The following FHIT variants were observed in gnomAD, a reference collection of about 807,000 sequenced individuals.
The protein encoded by FHIT is bis(5'-adenosyl)-triphosphatase.
A neutral mutation model predicts 17.9 loss-of-function variants in FHIT; 19 were observed. The ratio of observed to expected loss-of-function variants is 1.06; its 90% CI spans 0.74 to 1.56. The LOEUF (loss-of-function observed/expected upper bound fraction) is 1.56. Ranked by LOEUF, FHIT falls within the 40% of genes most tolerant of loss-of-function variation. The pLI is 0.00. For synonymous variants in FHIT, 81 were observed against 69.7 expected, an observed-to-expected ratio of 1.16 and a Z score of -0.81; for missense variants, 248 against 189.2, an observed-to-expected ratio of 1.31 and a Z score of -1.82.
In FHIT at chr3:60,454,079, C is replaced by T. The variant is rs547132788; in HGVS notation, c.103+82781G>A. On this transcript the variant is annotated intron_variant, in intron 5 of 9. Transcript: ENST00000492590. ...TAATCAAACCAGAACCCTAGCCATG[C>T]TGATGATGATCATTAATGTCATCAT... Among the ~76,000 whole-genome samples the T allele has an allele frequency of 2.5e-3, 379 of 152,282 alleles. 2 individuals carry two copies. The highest frequency in any genetic ancestry group is 8.2e-3 in the African/African-American group (339 of 41,556).
intron 5 of FHIT, among the ~76,000 whole-genome samples, chr3:60,471,644 T>C (rs1466615093): frequency 6.6e-6 from 1 of 152,212 alleles, no homozygotes; most frequent in Non-Finnish European, 1.5e-5. Context: ...TCAGTGCCTC[T>C]TTCCTTAATA....
At chr3:60,373,389 A>G (rs1700418182) in intron 5 of FHIT, among the ~76,000 whole-genome samples, 1 of 152,212 alleles carries the variant, frequency 6.6e-6, no homozygotes, top group Non-Finnish European at 1.5e-5. Flanking sequence ...GAAGGTTGCC[A>G]CATTTGAGAT....
intron 5 of FHIT, among the ~76,000 whole-genome samples, chr3:60,159,833 G>C (rs539024638): frequency 5.9e-4 from 90 of 152,146 alleles, no homozygotes; most frequent in Middle Eastern, 6.8e-3. Context: ...TAACTCCAGG[G>C]AACATGCTCA....
intron 8 of FHIT, among the ~76,000 whole-genome samples, chr3:59,822,303 G>T (rs927796861): frequency 2.6e-5 from 4 of 152,256 alleles, no homozygotes; most frequent in African/African-American, 9.6e-5. Flanking sequence ...TTTCCTCTGG[G>T]TAGATACCCA....
intron 5 of FHIT, among the ~76,000 whole-genome samples, chr3:60,298,922 G>T (rs559648047): frequency 4.6e-5 from 7 of 152,108 alleles, no homozygotes; most frequent in Non-Finnish European, 7.4e-5. Context: ...GCCAGGGACA[G>T]GACCCCCTCA....
intron 8 of FHIT, among the ~76,000 whole-genome samples, chr3:59,765,873 A>G (rs1701770325): frequency 6.6e-6 from 1 of 152,224 alleles, no homozygotes; most frequent in Non-Finnish European, 1.5e-5. Flanking sequence ...ATGTTCACAT[A>G]ATTAAATACC....
intron 5 of FHIT, among the ~76,000 whole-genome samples, chr3:60,203,814 GA>G (rs927528325): frequency 2.0e-5 from 3 of 152,030 alleles, no homozygotes; most frequent in Non-Finnish European, 1.5e-5. Flanking sequence ...AAAACTAAAA[GA>G]AAAAAATGGG....
At chr3:60,836,413 T>G (rs7626938) in intron 3 of FHIT, among the ~76,000 whole-genome samples, 15,633 of 152,212 alleles carry the variant, frequency 0.1, 1,208 homozygotes, top group African/African-American at 0.21. Flanking sequence ...AAATATTTAT[T>G]TTCAGGGAGT....
At chr3:60,336,511 A>C (rs1710247942) in intron 5 of FHIT, among the ~76,000 whole-genome samples, 1 of 152,216 alleles carries the variant, frequency 6.6e-6, no homozygotes. Context: ...ATAAATTTCA[A>C]GATCTCATTT....
chr3:60,990,424 T>A (rs898427532), intron 3 of FHIT, among the ~76,000 whole-genome samples: 1 of 152,170 alleles, frequency 6.6e-6, no homozygotes, highest in African/African-American at 2.4e-5. Context: ...GCTTGTCATG[T>A]TAGAATGGGG....
chr3:60,736,105 C>T (rs1553712535), intron 4 of FHIT, among the ~76,000 whole-genome samples: 1 of 152,186 alleles, frequency 6.6e-6, no homozygotes, highest in African/African-American at 2.4e-5. Context: ...TACCACTTCA[C>T]ACTCACTAGA....
intron 2 of FHIT, among the ~76,000 whole-genome samples, chr3:61,062,169 C>G (rs1275578062): frequency 6.6e-6 from 1 of 152,110 alleles, no homozygotes; most frequent in Non-Finnish European, 1.5e-5. Context: ...GTTAATAGTT[C>G]CAAACTTCCC....
intron 7 of FHIT, among the ~76,000 whole-genome samples, chr3:59,971,879 G>A (rs1016798910): frequency 3.3e-5 from 5 of 152,114 alleles, no homozygotes; most frequent in African/African-American, 1.2e-4. Context: ...AAGTTAAATG[G>A]CAACAAAATA....
At chr3:60,116,444 C>A (rs1704966377) in intron 5 of FHIT, among the ~76,000 whole-genome samples, 1 of 152,084 alleles carries the variant, frequency 6.6e-6, no homozygotes, top group Non-Finnish European at 1.5e-5. Flanking sequence ...ATCTTCAGAG[C>A]CCCTCTTTTC....
chr3:60,064,257 G>T lies in FHIT; in HGVS notation c.104-50105C>A, dbSNP rs371396437. Among the ~76,000 whole-genome samples the T allele has an allele frequency of 2.6e-5, 4 of 152,214 alleles. No homozygotes were observed. In the South Asian group the frequency reaches 6.2e-4, roughly 24 times the overall value. ...AATTACCTAGTAATAATAAAACTAT[G>T]TTGTTTATAACTCTTATTTGATGTT... On this transcript the variant is annotated intron_variant, in intron 5 of 9. Transcript: ENST00000492590.
At chr3:59,759,313 G>C (rs1294711110) in intron 8 of FHIT, among the ~76,000 whole-genome samples, 1 of 152,100 alleles carries the variant, frequency 6.6e-6, no homozygotes, top group Non-Finnish European at 1.5e-5. Context: ...TAGAATAATT[G>C]CTCATAAAGA....
At chr3:60,362,078 A>G (rs1699928679) in intron 5 of FHIT, among the ~76,000 whole-genome samples, 1 of 152,192 alleles carries the variant, frequency 6.6e-6, no homozygotes, top group Non-Finnish European at 1.5e-5. Flanking sequence ...GAGATTTAAA[A>G]AAAAATAATT....
chr3:60,143,028 C>T (rs1296382559), intron 5 of FHIT, among the ~76,000 whole-genome samples: 1 of 152,148 alleles, frequency 6.6e-6, no homozygotes, highest in Non-Finnish European at 1.5e-5. Context: ...AGCTTTCTGG[C>T]ATCCAACACA....
At chr3:60,164,938 T>G (rs1456860997) in intron 5 of FHIT, among the ~76,000 whole-genome samples, 1 of 152,134 alleles carries the variant, frequency 6.6e-6, no homozygotes, top group East Asian at 1.9e-4. Flanking sequence ...ATAACCCAGT[T>G]AGAAACAACC....
Sources: allele counts gnomAD v4.1 joint callset (sites outside exome capture counted in the v4.1 genomes callset), GRCh38; gene constraint gnomAD v4.1.1; transcripts MANE v1.5; gene names NCBI Gene and HGNC (gene_info 2026-07-23, HGNC 2026-07-21).